The following LIMA1 variants were observed in gnomAD, a reference collection of about 807,000 sequenced individuals.
The protein encoded by LIMA1 is LIM domain and actin binding 1, also known as LIM domain and actin-binding protein 1.
Under a neutral mutation model 62.6 loss-of-function variants are expected in LIMA1, and 52 were observed. The ratio of observed to expected loss-of-function variants is 0.83; its 90% CI spans 0.67 to 1.05. LIMA1 has a LOEUF of 1.05. LIMA1 is among the 50% of genes least tolerant of loss of function. The probability of loss-of-function intolerance (pLI) is 0.00; values close to 1 mark genes in which losing one functional copy is unlikely to be tolerated. For missense variants in LIMA1, 780 were observed against 902.2 expected (o/e 0.86, Z 1.74); for synonymous variants, 302 against 317.8 (o/e 0.95, Z 0.53).
At chr12:50,181,661 C>A (rs992197383) in intron 10 of LIMA1, among the ~76,000 whole-genome samples, 3 of 152,104 alleles carry the variant, frequency 2.0e-5, no homozygotes, top group African/African-American at 7.2e-5. Context: ...GGTTTACCTG[C>A]AACTCATATT....
chr12:50,268,825 T>C (rs1424240657), intron 1 of LIMA1, among the ~76,000 whole-genome samples: 1 of 152,200 alleles, frequency 6.6e-6, no homozygotes, highest in Non-Finnish European at 1.5e-5. Context: ...ACAGAGCTAA[T>C]AACTGATAGA....
intron 4 of LIMA1, among the ~76,000 whole-genome samples, chr12:50,210,711 C>A (rs1415444284): frequency 6.6e-6 from 1 of 152,218 alleles, no homozygotes; most frequent in African/African-American, 2.4e-5. Flanking sequence ...AATTTCCCAT[C>A]TTTGTTAGCT....
intron 9 of LIMA1, chr12:50,186,694 T>C (rs1940638796): frequency 6.6e-6 from 1 of 152,206 alleles, no homozygotes; most frequent in Admixed American, 6.5e-5. Flanking sequence ...GGTGCAGGGA[T>C]CCACTGTCTC....
At chr12:50,184,248 G>A (rs139465006) in intron 9 of LIMA1, among the ~76,000 whole-genome samples, 9 of 152,334 alleles carry the variant, frequency 5.9e-5, no homozygotes, top group African/African-American at 9.6e-5. Flanking sequence ...CGTATTTGGA[G>A]TTCAGAATTC....
rs955951212 is a variant in LIMA1, at chr12:50,281,672, G to A, written c.-24+1748C>T. 2.0e-5 allele frequency among the ~76,000 whole-genome samples: 3 copies of A among 152,060 alleles called. 1 individual carries two copies. Among genetic ancestry groups the A allele is most frequent in the Non-Finnish European group, 4.4e-5 (3 of 68,028 alleles). On this transcript the variant is annotated intron_variant, in intron 1 of 10. Coordinates refer to ENST00000341247, the MANE Select transcript of LIMA1 (RefSeq NM_016357.5). ...TTACTAAATGCCACATTAACAACAG[G>A]GTCTAATCCCATTTTCCATAGGCCA...
At chr12:50,207,337 CT>C (rs1941172422) in intron 4 of LIMA1, among the ~76,000 whole-genome samples, 1 of 152,024 alleles carries the variant, frequency 6.6e-6, no homozygotes, top group Non-Finnish European at 1.5e-5. Flanking sequence ...ATTTTTAAGA[CT>C]GTAGTGTCAA....
At chr12:50,217,816 T>C in intron 4 of LIMA1, 1 of 290,904 alleles carries the variant, frequency 3.4e-6, no homozygotes, top group South Asian at 3.5e-5. Context: ...GCCTGGGAAG[T>C]ACACAGGCAT....
At position 50,222,425 on chromosome 12, in the gene LIMA1, ACTT is replaced by A. The variant is rs773178107; in HGVS notation, c.223_225del (p.Lys75del). The A allele has an allele frequency of 5.8e-4, 936 of 1,614,054 alleles. No homozygotes were observed. The highest frequency in any genetic ancestry group is 7.4e-4 in the Non-Finnish European group (879 of 1,180,034). ...TCTGCTCCCAGCCCTGGGTTCTCCC[ACTT>A]CTTCTTTAACACAGTCAGGGTCCCC... On this transcript the variant is annotated inframe_deletion, in exon 4 of 11. Transcript: ENST00000341247.
At chr12:50,197,647 A>C (rs1431771172) in intron 7 of LIMA1, among the ~76,000 whole-genome samples, 2 of 152,214 alleles carry the variant, frequency 1.3e-5, no homozygotes, top group Non-Finnish European at 2.9e-5. Flanking sequence ...TCAGAGTTCC[A>C]GTTTCAAATC....
chr12:50,184,866 C>G (rs917520314), intron 9 of LIMA1, among the ~76,000 whole-genome samples: 7 of 152,120 alleles, frequency 4.6e-5, no homozygotes, highest in Non-Finnish European at 8.8e-5. Context: ...GAGTCTCACT[C>G]TGTCACCCAG....
chr12:50,208,352 G>A (rs1941191844), intron 4 of LIMA1, among the ~76,000 whole-genome samples: 1 of 152,188 alleles, frequency 6.6e-6, no homozygotes, highest in Non-Finnish European at 1.5e-5. Context: ...CAGGCGTGGT[G>A]GCCCGCACCT....
chr12:50,275,623 G>A (rs1942267155), intron 1 of LIMA1, among the ~76,000 whole-genome samples: 1 of 152,088 alleles, frequency 6.6e-6, no homozygotes, highest in African/African-American at 2.4e-5. Context: ...ATTTAAAAAG[G>A]TAGCATTTGA....
chr12:50,208,887 G>C (rs1435646595), intron 4 of LIMA1, among the ~76,000 whole-genome samples: 1 of 151,890 alleles, frequency 6.6e-6, no homozygotes, highest in Non-Finnish European at 1.5e-5. Context: ...CTGCATTCCA[G>C]CCTGGGTGAT....
At chr12:50,231,290 C>T (rs1014851919) in intron 3 of LIMA1, among the ~76,000 whole-genome samples, 3 of 152,128 alleles carry the variant, frequency 2.0e-5, no homozygotes, top group Non-Finnish European at 4.4e-5. Flanking sequence ...ACAACAGCTG[C>T]ACAGCTACTA....
At chr12:50,180,961 A>C (rs1046552778) in intron 10 of LIMA1, among the ~76,000 whole-genome samples, 2 of 151,648 alleles carry the variant, frequency 1.3e-5, no homozygotes, top group Non-Finnish European at 2.9e-5. Flanking sequence ...AAATACAAAA[A>C]ATTAGCTGGG....
intron 2 of LIMA1, chr12:50,234,211 C>CTT (rs530660438): frequency 2.4e-3 from 885 of 375,344 alleles, no homozygotes; most frequent in East Asian, 4.4e-3. Context: ...CCAGAACAAC[C>CTT]TTTTTTTTTT....
At chr12:50,262,106 G>A (rs898719506) in intron 1 of LIMA1, among the ~76,000 whole-genome samples, 2 of 152,118 alleles carry the variant, frequency 1.3e-5, no homozygotes, top group Non-Finnish European at 2.9e-5. Context: ...TTCTACTAAG[G>A]TAGAATAAAA....
chr12:50,240,467 A>T (rs774431167), intron 2 of LIMA1, among the ~76,000 whole-genome samples: 2 of 152,200 alleles, frequency 1.3e-5, no homozygotes, highest in Non-Finnish European at 2.9e-5. Flanking sequence ...GGCTGCAGAG[A>T]TAATGGCACT....
chr12:50,181,858 C>CTAGAG (rs765941551), intron 10 of LIMA1, 46 bp downstream of exon 10: 1 of 1,609,334 alleles, frequency 6.2e-7, no homozygotes, highest in South Asian at 1.1e-5. Context: ...AAGACTCCCT[C>CTAGAG]TAGAGTTCCA....
Sources: allele counts gnomAD v4.1 joint callset (sites outside exome capture counted in the v4.1 genomes callset), GRCh38; gene constraint gnomAD v4.1.1; transcripts MANE v1.5; gene names NCBI Gene and HGNC (gene_info 2026-07-23, HGNC 2026-07-21).